Variants in GRM7 observed in about 807,000 individuals in gnomAD.
GRM7 encodes metabotropic glutamate receptor 7.
A neutral mutation model predicts 84.5 loss-of-function variants in GRM7; 35 were observed. The ratio of observed to expected loss-of-function variants is 0.41; its 90% confidence interval spans 0.32 to 0.55. The LOEUF is 0.55. GRM7 is among the 20% of genes least tolerant of loss of function. The pLI is 0.19. For missense variants in GRM7, 1,003 were observed against 1,194.6 expected, an observed-to-expected ratio of 0.84 and a Z score of 2.36; for synonymous variants, 487 against 455.1, an observed-to-expected ratio of 1.07 and a Z score of -0.89.
intron 4 of GRM7, among the ~76,000 whole-genome samples, chr3:7,324,431 T>C (rs561430753): frequency 1.3e-5 from 2 of 152,326 alleles, no homozygotes; most frequent in East Asian, 3.9e-4. Context: ...GACTTTTCCC[T>C]GGACCTGCTG....
In GRM7 at chr3:7,382,758, AAG is replaced by A. The variant is rs570748525; in HGVS notation, c.1034-32263_1034-32262del. ...TATGGGTAACCTAAAACAACATTTG[AAG>A]AAAGTTGGGCAAACTGCCCTCTTAG... is the stretch of plus-strand genomic sequence containing the variant. On this transcript the variant is annotated intron_variant, in intron 4 of 9. Coordinates refer to ENST00000357716, the MANE Select transcript of GRM7 (RefSeq NM_000844.4). 1.1e-3 allele frequency among the ~76,000 whole-genome samples: 164 copies of A among 152,358 alleles called. 2 individuals carry two copies. Among genetic ancestry groups the A allele is most frequent in the African/African-American group, 3.7e-3 (152 of 41,588 alleles).
At chr3:7,218,469 C>A (rs1024686557) in intron 2 of GRM7, among the ~76,000 whole-genome samples, 4 of 151,630 alleles carry the variant, frequency 2.6e-5, no homozygotes, top group African/African-American at 9.7e-5. Context: ...AATAACTTTG[C>A]CTGTCTGATA....
intron 4 of GRM7, among the ~76,000 whole-genome samples, chr3:7,413,175 A>T (rs1322213137): frequency 6.6e-6 from 1 of 152,176 alleles, no homozygotes; most frequent in Non-Finnish European, 1.5e-5. Flanking sequence ...TGACGGCTTG[A>T]TGACTTCAGC....
At chr3:7,604,669 A>C (rs182090634) in intron 8 of GRM7, among the ~76,000 whole-genome samples, 1 of 152,348 alleles carries the variant, frequency 6.6e-6, no homozygotes, top group Admixed American at 6.5e-5. Flanking sequence ...AAAATATGAT[A>C]TACCAGGCAA....
rs557816782 is a variant in GRM7 at position 6,913,515 on chromosome 3, C to T, written c.519+51608C>T. Among the ~76,000 whole-genome samples, 7 of 152,220 alleles carry T rather than the reference C, an allele frequency of 4.6e-5. No homozygotes were observed. In the South Asian group the frequency reaches 1.0e-3, roughly 23 times the overall value. On this transcript the variant is annotated intron_variant, in intron 1 of 9. Coordinates refer to ENST00000357716, the MANE Select transcript of GRM7 (RefSeq NM_000844.4). ...TGAAAATACTTACCAGGGAACTTTG[C>T]CAATTTGATGTACTCTATTCTTATC...
At chr3:7,530,332 C>G (rs892255306) in intron 7 of GRM7, among the ~76,000 whole-genome samples, 12 of 152,106 alleles carry the variant, frequency 7.9e-5, no homozygotes, top group African/African-American at 2.9e-4. Flanking sequence ...TTTTCTTTAT[C>G]CAGTCTATCA....
chr3:6,997,640 G>A (rs1694870139), intron 1 of GRM7, among the ~76,000 whole-genome samples: 1 of 152,132 alleles, frequency 6.6e-6, no homozygotes, highest in African/African-American at 2.4e-5. Flanking sequence ...GATGAGAGGT[G>A]GGTGGGGACA....
intron 7 of GRM7, among the ~76,000 whole-genome samples, chr3:7,520,704 T>C (rs1227732354): frequency 4.6e-5 from 7 of 152,216 alleles, no homozygotes; most frequent in Non-Finnish European, 1.0e-4. Flanking sequence ...AGACTCATAA[T>C]GTTGTTACAC....
At chr3:7,532,361 G>A (rs557619805) in intron 7 of GRM7, among the ~76,000 whole-genome samples, 17 of 152,208 alleles carry the variant, frequency 1.1e-4, no homozygotes, top group South Asian at 4.1e-4. Flanking sequence ...GGGTGTATGC[G>A]TCCAGGAATT....
At chr3:7,322,923 G>A (rs1255452147) in intron 4 of GRM7, among the ~76,000 whole-genome samples, 1 of 152,116 alleles carries the variant, frequency 6.6e-6, no homozygotes, top group African/African-American at 2.4e-5. Flanking sequence ...AATGGCATCA[G>A]TGTCTCTGAT....
intron 1 of GRM7, among the ~76,000 whole-genome samples, chr3:6,919,930 T>C (rs531391173): frequency 6.6e-6 from 1 of 152,298 alleles, no homozygotes; most frequent in South Asian, 2.1e-4. Flanking sequence ...GAAGCTTAGT[T>C]TCTGCTTATT....
At chr3:7,536,294 G>C (rs775024793) in intron 7 of GRM7, among the ~76,000 whole-genome samples, 8 of 152,180 alleles carry the variant, frequency 5.3e-5, no homozygotes, top group Non-Finnish European at 1.0e-4. Context: ...ACTATTACCA[G>C]TATTGGTAGC....
chr3:7,707,388 T>C (rs147776960), intron 9 of GRM7, among the ~76,000 whole-genome samples: 2 of 152,120 alleles, frequency 1.3e-5, no homozygotes, highest in Non-Finnish European at 2.9e-5. Flanking sequence ...CCTTCCTGTA[T>C]CTGAGGAAAA....
At chr3:7,073,010 G>A (rs1697942245) in intron 1 of GRM7, among the ~76,000 whole-genome samples, 1 of 152,178 alleles carries the variant, frequency 6.6e-6, no homozygotes, top group South Asian at 2.1e-4. Context: ...GAAATTAGTG[G>A]ACCCTATATT....
At chr3:6,948,497 G>A (rs1014447289) in intron 1 of GRM7, among the ~76,000 whole-genome samples, 5 of 152,170 alleles carry the variant, frequency 3.3e-5, no homozygotes, top group African/African-American at 7.2e-5. Context: ...TTTTGGAATA[G>A]GTGTGGTGTG....
intron 7 of GRM7, among the ~76,000 whole-genome samples, chr3:7,503,036 C>G (rs1343747077): frequency 6.6e-6 from 1 of 152,082 alleles, no homozygotes; most frequent in African/African-American, 2.4e-5. Context: ...GTAATTTGCT[C>G]TATGGGATAT....
intron 1 of GRM7, among the ~76,000 whole-genome samples, chr3:6,926,305 C>T (rs1204277323): frequency 6.6e-6 from 1 of 152,112 alleles, no homozygotes; most frequent in Non-Finnish European, 1.5e-5. Flanking sequence ...TCATTTGTGT[C>T]AACATCACAT....
At chr3:7,336,440 A>T (rs1701424518) in intron 4 of GRM7, among the ~76,000 whole-genome samples, 1 of 152,032 alleles carries the variant, frequency 6.6e-6, no homozygotes, top group African/African-American at 2.4e-5. Context: ...AACAGTATAC[A>T]GAATGGGGAA....
chr3:7,223,264 A>G (rs1171626931), intron 2 of GRM7, among the ~76,000 whole-genome samples: 1 of 152,062 alleles, frequency 6.6e-6, no homozygotes, highest in Admixed American at 6.5e-5. Context: ...GTCTTATTAT[A>G]CATCCTATAA....
Sources: gnomAD v4.1 joint callset for allele counts (sites outside exome capture counted in the v4.1 genomes callset) on GRCh38, gnomAD v4.1.1 for gene constraint, MANE v1.5 for transcripts, NCBI Gene and HGNC (gene_info 2026-07-23, HGNC 2026-07-21) for gene names.